IFT46: variants seen among roughly 807,000 people sequenced by gnomAD.
The protein encoded by IFT46 is intraflagellar transport 46.
Under a neutral mutation model 39.6 loss-of-function variants are expected in IFT46, and 19 were observed. The ratio of observed to expected loss-of-function variants is 0.48; its 90% CI spans 0.33 to 0.70. The LOEUF (loss-of-function observed/expected upper bound fraction) is 0.70. Ranked by LOEUF, IFT46 falls within the 30% of genes least tolerant of loss-of-function variation. IFT46 has a pLI of 0.01. For synonymous variants in IFT46, 117 were observed against 134.8 expected (o/e 0.87, Z 0.91); for missense variants, 334 against 364.8 (o/e 0.92, Z 0.69).
upstream of IFT46, chr11:118,573,843 T>C: frequency 2.0e-6 from 1 of 503,506 alleles, no homozygotes; most frequent in Non-Finnish European, 3.6e-6. Context: ...ACACAAAATT[T>C]CCAGAAACTT....
chr11:118,554,938 G>T, intron 6 of IFT46, 52 bp downstream of exon 6: 1 of 1,251,438 alleles, frequency 8.0e-7, no homozygotes. Context: ...AGAGTAACAG[G>T]GGCATCAGAA....
intron 1 of IFT46, chr11:118,572,446 AG>A: frequency 8.1e-7 from 1 of 1,227,896 alleles, no homozygotes; most frequent in Non-Finnish European, 1.1e-6. Context: ...GTTCCTGTCA[AG>A]GGGGCAGCAG....
rs144976637 is a variant in IFT46, at chr11:118,558,558, A to G, written c.45+1227T>C. 5.5e-3 allele frequency among the ~76,000 whole-genome samples: 829 copies of G among 149,470 alleles called. 6 individuals carry two copies. The highest frequency in any genetic ancestry group is 0.019 in the African/African-American group (774 of 40,514). On this transcript the variant is annotated intron_variant, in intron 3 of 11. Transcript: ENST00000264021. ...TGCAGCGAGCTGAGGTCATGCCACTACACTCCAGCTTAGGCAACAGAGCGA... is the reference window on the plus strand; with the variant it reads ...TGCAGCGAGCTGAGGTCATGCCACTGCACTCCAGCTTAGGCAACAGAGCGA...
chr11:118,557,052 TAGGGC>T lies in IFT46; in HGVS notation c.46-12_46-8del. ...GTGAGGTCTTCTTCTTCTCCTGTGA[TAGGGC>T]AGGGCAGGCATAGAAAGCTTCAAGT... On this transcript the variant is annotated splice_region_variant and splice_polypyrimidine_tract_variant and intron_variant, in intron 3 of 11. Coordinates refer to ENST00000264021, the MANE Select transcript of IFT46 (RefSeq NM_001168618.2). 1 of 1,596,392 alleles carries T rather than the reference TAGGGC, an allele frequency of 6.3e-7. No individual in the cohort carries two copies. Among genetic ancestry groups the T allele is most frequent in the Non-Finnish European group, 8.5e-7 (1 of 1,171,566 alleles).
rs967596310 is a variant in IFT46 at position 118,572,351 on chromosome 11, C to G, written c.-133+245G>C. 2 of 136,074 alleles carry G rather than the reference C, an allele frequency of 1.5e-5. 1 individual carries two copies. Among genetic ancestry groups the G allele is most frequent in the Non-Finnish European group, 3.2e-5 (2 of 63,104 alleles). 8.4% of individuals were successfully genotyped at this position (136,074 alleles called of 1,614,324 possible). ...ATTTCCCCAGCCCACAGGCCCCGCC[C>G]CCCCCCCCGCCCTTTGACCTGCGCC... On this transcript the variant is annotated intron_variant, in intron 1 of 5. Coordinates refer to the IFT46 transcript ENST00000528378.
At chr11:118,572,437 T>C (rs891160943) in intron 1 of IFT46, 15 of 1,044,344 alleles carry the variant, frequency 1.4e-5, no homozygotes, top group Non-Finnish European at 1.8e-5. Flanking sequence ...GCGGCAGCGG[T>C]TCCTGTCAAG....
upstream of IFT46, among the ~76,000 whole-genome samples, chr11:118,576,424 GTTAAA>G (rs1484435387): frequency 1.8e-3 from 57 of 32,232 alleles, 1 homozygote; most frequent in African/African-American, 6.5e-3. Flanking sequence ...TTCCAAAAAT[GTTAAA>G]AAAAAAAAAA....
chr11:118,568,337 G>A (rs1938270873), upstream of IFT46, among the ~76,000 whole-genome samples: 1 of 152,072 alleles, frequency 6.6e-6, no homozygotes, highest in Admixed American at 6.6e-5. Flanking sequence ...ATCACCAGAG[G>A]TCAAGAGTTC....
Position 118,572,632 on chromosome 11 carries a change from G to A in IFT46, c.-169C>T, listed in dbSNP as rs947477748. 7.1e-6 allele frequency: 11 copies of A among 1,542,350 alleles called. No homozygotes were observed. In the Admixed American group the frequency reaches 1.3e-4, roughly 19 times the overall value. Reference sequence around the variant, plus strand: ...GTCGGCGGGCCTGGGGCAGGGGCCGGAGGAGCCCCGCCCTGAGGGTCTAGG... The same window carrying A: ...GTCGGCGGGCCTGGGGCAGGGGCCGAAGGAGCCCCGCCCTGAGGGTCTAGG... On this transcript the variant is annotated 5_prime_UTR_variant, in exon 1 of 6. Coordinates refer to the IFT46 transcript ENST00000528378.
intron 4 of IFT46, among the ~76,000 whole-genome samples, chr11:118,555,830 G>T (rs1937811922): frequency 6.6e-6 from 1 of 151,680 alleles, no homozygotes; most frequent in African/African-American, 2.4e-5. Context: ...GGCTGAGGCA[G>T]AAGAATCACT....
At chr11:118,563,993 G>C (rs1444048011) in intron 2 of IFT46, among the ~76,000 whole-genome samples, 2 of 151,716 alleles carry the variant, frequency 1.3e-5, no homozygotes, top group Admixed American at 1.3e-4. Flanking sequence ...GTTGGGGTCA[G>C]GAGTTCGAGA....
At chr11:118,552,462 A>G in intron 7 of IFT46, 127 bp from the exon 8 acceptor site, 2 of 1,132,750 alleles carry the variant, frequency 1.8e-6, no homozygotes, top group South Asian at 1.5e-5. Flanking sequence ...CACGTGAAAC[A>G]GTAGCCAAAT....
At chr11:118,551,925 C>G in intron 8 of IFT46, 73 bp from the exon 9 acceptor site, 1 of 1,423,590 alleles carries the variant, frequency 7.0e-7, no homozygotes, top group Non-Finnish European at 9.9e-7. Context: ...TCAGCATATT[C>G]TAGGATGAAG....
intron 3 of IFT46, among the ~76,000 whole-genome samples, chr11:118,558,539 G>A (rs541851483): frequency 2.0e-5 from 3 of 152,104 alleles, no homozygotes; most frequent in Admixed American, 1.3e-4. Flanking sequence ...AGGTTGCAGC[G>A]AGCTGAGGTC....
At chr11:118,571,360 T>C (rs1565354826) in intron 1 of IFT46, among the ~76,000 whole-genome samples, 1 of 152,246 alleles carries the variant, frequency 6.6e-6, no homozygotes, top group Non-Finnish European at 1.5e-5. Context: ...TTGTCTCCAC[T>C]TTTTGGCTAC....
In IFT46 at chr11:118,554,595, AG is replaced by A. The variant is rs782312547; in HGVS notation, c.355-9del. 6.3e-6 allele frequency: 10 copies of A among 1,584,998 alleles called. No homozygotes were observed. The highest frequency in any genetic ancestry group is 8.5e-6 in the Non-Finnish European group (10 of 1,171,582). On this transcript the variant is annotated splice_polypyrimidine_tract_variant and intron_variant, in intron 6 of 11. Coordinates refer to ENST00000264021, the MANE Select transcript of IFT46 (RefSeq NM_001168618.2). Reference sequence around the variant, plus strand: ...TCCATCAGGACGTGGGACCTGGTTAAGAAAAAGGTAAGAAAGCAGAAAGGAA... The same window carrying A: ...TCCATCAGGACGTGGGACCTGGTTAAAAAAAGGTAAGAAAGCAGAAAGGAA...
At chr11:118,554,709 A>G in intron 6 of IFT46, 122 bp from the exon 7 acceptor site, 2 of 1,059,884 alleles carry the variant, frequency 1.9e-6, no homozygotes, top group East Asian at 2.5e-5. Flanking sequence ...TGTACGCAAT[A>G]CTATCCAGAA....
At position 118,554,356 on chromosome 11, in the gene IFT46, C is replaced by G. The variant is rs1234026892; in HGVS notation, c.483+103G>C. 7 of 1,222,134 alleles carry G rather than the reference C, an allele frequency of 5.7e-6. No individual in the cohort carries two copies. In the African/African-American group the frequency reaches 1.1e-4, roughly 19 times the overall value. 75.7% of individuals were successfully genotyped at this position (1,222,134 alleles called of 1,614,324 possible). Reference sequence around the variant, plus strand: ...CAGGCGTGAGCCACCGCACCCAGGCCCATCTCTTTTGACAGGCAGTAAGTC... The same window carrying G: ...CAGGCGTGAGCCACCGCACCCAGGCGCATCTCTTTTGACAGGCAGTAAGTC... On this transcript the variant is annotated intron_variant, in intron 7 of 11. Coordinates refer to ENST00000264021, the MANE Select transcript of IFT46 (RefSeq NM_001168618.2).
upstream of IFT46, chr11:118,573,721 T>G (rs1249564643): frequency 1.4e-6 from 1 of 695,094 alleles, no homozygotes; most frequent in African/African-American, 1.8e-5. Flanking sequence ...AGATAAGAAC[T>G]TGGATAATGG....
Sources: gnomAD v4.1 joint callset for allele counts (sites outside exome capture counted in the v4.1 genomes callset) on GRCh38, gnomAD v4.1.1 for gene constraint, MANE v1.5 for transcripts, NCBI Gene and HGNC (gene_info 2026-07-23, HGNC 2026-07-21) for gene names.